UBAP2: variants seen among roughly 807,000 people sequenced by gnomAD.
UBAP2 encodes ubiquitin-associated protein 2.
A neutral mutation model predicts 139.6 loss-of-function variants in UBAP2; 75 were observed. The observed-to-expected ratio is 0.54, with a 90% CI of 0.45 to 0.65. The LOEUF (loss-of-function observed/expected upper bound fraction) is 0.65. UBAP2 is among the 30% of genes least tolerant of loss of function. The pLI, the probability that UBAP2 is intolerant of heterozygous loss-of-function variation, is 0.00. For missense variants in UBAP2, 1,368 were observed against 1,369.6 expected, an observed-to-expected ratio of 1.00 and a Z score of 0.02; for synonymous variants, 526 against 526.2, an observed-to-expected ratio of 1.00 and a Z score of 0.01.
Position 33,940,979 on chromosome 9 carries a change from T to C in UBAP2, c.1929+670A>G, listed in dbSNP as rs529017884. Among the ~76,000 whole-genome samples, 7 of 152,364 alleles carry C rather than the reference T, an allele frequency of 4.6e-5. No individual in the cohort carries two copies. The East Asian group carries it at 1.3e-3, about 29-fold the overall frequency. On this transcript the variant is annotated intron_variant, in intron 16 of 28. Coordinates refer to ENST00000379238, the MANE Select transcript of UBAP2 (RefSeq NM_001370062.2). Reference sequence around the variant, plus strand: ...CTGCAGTATCTCCAAGGTATGCCTGTAGTGTCATCCATATTATTTTAATTT... The same window carrying C: ...CTGCAGTATCTCCAAGGTATGCCTGCAGTGTCATCCATATTATTTTAATTT...
chr9:33,924,983 A>G (rs1290305762), intron 22 of UBAP2, among the ~76,000 whole-genome samples: 1 of 152,252 alleles, frequency 6.6e-6, no homozygotes, highest in Non-Finnish European at 1.5e-5. Context: ...AATGTGGCCC[A>G]AGGAAGCCAA....
At chr9:34,016,121 G>A (rs1489420640) in intron 2 of UBAP2, among the ~76,000 whole-genome samples, 1 of 151,794 alleles carries the variant, frequency 6.6e-6, no homozygotes, top group Non-Finnish European at 1.5e-5. Context: ...TGAAGCAGCA[G>A]GGAAGGAGGA....
chr9:34,004,270 G>A (rs1482786355), intron 2 of UBAP2, among the ~76,000 whole-genome samples: 1 of 152,128 alleles, frequency 6.6e-6, no homozygotes, highest in Non-Finnish European at 1.5e-5. Context: ...TATATTTGGT[G>A]TAATTTTTAT....
At chr9:33,972,681 C>A (rs1827999072) in intron 7 of UBAP2, among the ~76,000 whole-genome samples, 1 of 152,170 alleles carries the variant, frequency 6.6e-6, no homozygotes, top group Non-Finnish European at 1.5e-5. Flanking sequence ...AAATAAACCT[C>A]TGATTTTAGT....
chr9:33,922,589 C>T lies in UBAP2; in HGVS notation c.3275G>A (p.Gly1092Asp). 1 of 1,613,300 alleles carries T rather than the reference C, an allele frequency of 6.2e-7. No homozygotes were observed. The highest frequency in any genetic ancestry group is 1.1e-5 in the South Asian group (1 of 91,006). Reference sequence around the variant, plus strand: ...CAGGGAGCTGGGCTGGCTGCGCTGACCCGAGCCACTCTGAGGAAGAGGAGA... The same window carrying T: ...CAGGGAGCTGGGCTGGCTGCGCTGATCCGAGCCACTCTGAGGAAGAGGAGA... ...HLPQDAQSGSGQRSQPSSLQP... is the reference protein window; with the variant it reads ...HLPQDAQSGSDQRSQPSSLQP... The change falls in exon 29 of 29, where the codon GGT becomes GAT. Residue 1092 changes from glycine (G) to aspartate (D), a missense_variant. Physicochemically the swap from Gly to Asp is moderately conservative, Grantham distance 94. Transcript: ENST00000379238.
chr9:34,008,051 C>T (rs906653125), intron 2 of UBAP2, among the ~76,000 whole-genome samples: 3 of 152,032 alleles, frequency 2.0e-5, no homozygotes, highest in Non-Finnish European at 4.4e-5. Context: ...AGGAGAATCG[C>T]TTGAACCTGG....
chr9:33,971,241 T>A (rs781625912), intron 8 of UBAP2, among the ~76,000 whole-genome samples: 1 of 152,230 alleles, frequency 6.6e-6, no homozygotes, highest in African/African-American at 2.4e-5. Flanking sequence ...AGAGGCAACG[T>A]TGCTACAAAC....
At chr9:33,990,401 T>C (rs1821600477) in intron 4 of UBAP2, among the ~76,000 whole-genome samples, 1 of 152,192 alleles carries the variant, frequency 6.6e-6, no homozygotes, top group Non-Finnish European at 1.5e-5. Context: ...AACTCTTTTT[T>C]TGAAATGGAA....
In UBAP2 at chr9:34,016,293, GGA is replaced by G. The variant is rs1564064209; in HGVS notation, c.99+755_99+756del. Among the ~76,000 whole-genome samples, 89 of 96,650 alleles carry G rather than the reference GGA, an allele frequency of 9.2e-4. 2 individuals are homozygous for G. The highest frequency in any genetic ancestry group is 1.2e-3 in the Non-Finnish European group (58 of 46,990). 63.4% of individuals were successfully genotyped at this position (96,650 alleles called of 152,430 possible). ...AAGAGAAGGAGGAAGAGGAGGAGGA[GGA>G]AGAGGAGGAAGAGGAGGAAGAGAAG... On this transcript the variant is annotated intron_variant, in intron 2 of 28. Coordinates refer to ENST00000379238, the MANE Select transcript of UBAP2 (RefSeq NM_001370062.2).
At chr9:34,021,930 G>A (rs774821412) in intron 1 of UBAP2, among the ~76,000 whole-genome samples, 10 of 152,082 alleles carry the variant, frequency 6.6e-5, no homozygotes, top group African/African-American at 1.7e-4. Context: ...CACTGTGCCC[G>A]GCCCCATTGG....
intron 1 of UBAP2, among the ~76,000 whole-genome samples, chr9:34,035,514 A>AAAAAAAAAAAAATATATAT: frequency 1.8e-4 from 4 of 22,486 alleles, no homozygotes; most frequent in Non-Finnish European, 2.9e-4. Context: ...AAAAAAAAAA[A>AAAAAAAAAAAAATATATAT]ATATATATAT....
At chr9:34,034,126 CAAATG>C (rs1826125768) in intron 1 of UBAP2, among the ~76,000 whole-genome samples, 1 of 152,132 alleles carries the variant, frequency 6.6e-6, no homozygotes, top group Non-Finnish European at 1.5e-5. Context: ...ATTTGGCACT[CAAATG>C]TCACAAATTC....
intron 10 of UBAP2, among the ~76,000 whole-genome samples, chr9:33,956,510 G>A (rs1348880800): frequency 7.9e-5 from 12 of 151,946 alleles, no homozygotes; most frequent in Non-Finnish European, 1.8e-4. Flanking sequence ...TGTATTTTTA[G>A]TAGAAACAGG....
chr9:33,971,535 G>T, intron 8 of UBAP2, 116 bp downstream of exon 8: 1 of 687,728 alleles, frequency 1.5e-6, no homozygotes. Context: ...TAGGACAGTA[G>T]CCTGTTTTTC....
In UBAP2 at chr9:33,926,974, C is replaced by G. The variant is rs377017303; in HGVS notation, c.2463+15G>C. On this transcript the variant is annotated intron_variant, in intron 21 of 28. Transcript: ENST00000379238. ...AGGGGAGCTGGGCAGGCCAGGAGTT[C>G]CGCCATACACTCACCGGGTAGGCAG... 126 of 1,613,234 alleles carry G rather than the reference C, an allele frequency of 7.8e-5. 1 individual carries two copies. Among genetic ancestry groups the G allele is most frequent in the Non-Finnish European group, 1.0e-4 (118 of 1,179,484 alleles).
At chr9:33,958,938 T>C (rs1245213048) in intron 10 of UBAP2, among the ~76,000 whole-genome samples, 1 of 151,622 alleles carries the variant, frequency 6.6e-6, no homozygotes, top group East Asian at 2.0e-4. Flanking sequence ...CACCTGAGGT[T>C]AGGAATTCGA....
At chr9:33,925,449 A>C (rs1823347004) in intron 22 of UBAP2, among the ~76,000 whole-genome samples, 1 of 152,188 alleles carries the variant, frequency 6.6e-6, no homozygotes, top group East Asian at 1.9e-4. Flanking sequence ...CATATCTCAA[A>C]AGGTGGGCTC....
At chr9:34,046,351 T>C (rs1199969990) in intron 1 of UBAP2, among the ~76,000 whole-genome samples, 2 of 151,268 alleles carry the variant, frequency 1.3e-5, no homozygotes, top group African/African-American at 2.4e-5. Flanking sequence ...GCTAACATTT[T>C]AGAAGTAAAG....
chr9:33,939,327 G>T (rs1824884034), intron 16 of UBAP2, among the ~76,000 whole-genome samples: 1 of 150,280 alleles, frequency 6.7e-6, no homozygotes, highest in African/African-American at 2.5e-5. Flanking sequence ...CTCCCAAGTA[G>T]TAGCTGGGAC....
Sources: gnomAD v4.1 joint callset for allele counts (sites outside exome capture counted in the v4.1 genomes callset) on GRCh38, gnomAD v4.1.1 for gene constraint, MANE v1.5 for transcripts, NCBI Gene and HGNC (gene_info 2026-07-23, HGNC 2026-07-21) for gene names.